The following AVL9 variants were observed in gnomAD, a reference collection of about 807,000 sequenced individuals.
AVL9 encodes the protein late secretory pathway protein AVL9 homolog.
Under a neutral mutation model 79.2 loss-of-function variants are expected in AVL9, and 49 were observed. The ratio of observed to expected loss-of-function variants is 0.62; its 90% CI spans 0.49 to 0.79. The LOEUF is 0.79. Among genes scored for constraint, AVL9 ranks in the 30% least tolerant of loss-of-function variants. The probability of loss-of-function intolerance (pLI) is 0.00; values close to 1 mark genes in which losing one functional copy is unlikely to be tolerated. For missense variants in AVL9, 682 were observed against 776.8 expected (o/e 0.88, Z 1.45); for synonymous variants, 299 against 280.6 (o/e 1.07, Z -0.65).
rs1491543761 is a variant in AVL9 at position 32,579,427 on chromosome 7, AATAT to A, written c.1689-785_1689-782del. The stretch of plus-strand genomic sequence containing the variant: ...ATTATATATAATATGTTATATATAT[AATAT>A]ATATATTATATATAATATATTATAT... On this transcript the variant is annotated intron_variant, in intron 13 of 15. Transcript: ENST00000318709. 8.3e-4 allele frequency among the ~76,000 whole-genome samples: 2 copies of A among 2,418 alleles called. 1 individual carries two copies. Among genetic ancestry groups the A allele is most frequent in the African/African-American group, 4.0e-3 (2 of 496 alleles). The allele number at this position is 2,418 out of a possible 152,430, so 1.6% of individuals were successfully genotyped here.
intron 8 of AVL9, among the ~76,000 whole-genome samples, chr7:32,555,947 AAGTG>A (rs1425346821): frequency 6.6e-6 from 1 of 152,222 alleles, no homozygotes; most frequent in Non-Finnish European, 1.5e-5. Flanking sequence ...AATAAATTAT[AAGTG>A]AGTAACTATT....
At chr7:32,504,497 C>A (rs1787321718) in intron 1 of AVL9, among the ~76,000 whole-genome samples, 1 of 151,896 alleles carries the variant, frequency 6.6e-6, no homozygotes, top group Non-Finnish European at 1.5e-5. Context: ...TCTCTTTTAC[C>A]ATATGAGAAT....
intron 1 of AVL9, chr7:32,532,634 GA>G (rs1305962782): frequency 6.6e-6 from 1 of 152,182 alleles, no homozygotes; most frequent in African/African-American, 2.4e-5. Context: ...TAAGGAATGT[GA>G]AATAATAGCT....
At position 32,573,204 on chromosome 7, in the gene AVL9, A is replaced by G. The variant is rs539399002; in HGVS notation, c.1356A>G (p.Glu452=). The change falls in exon 12 of 16, where the codon GAA becomes GAG. Residue 452 remains glutamate, a synonymous_variant. Coordinates refer to ENST00000318709, the MANE Select transcript of AVL9 (RefSeq NM_015060.3). ...TGTACCTGGATACCCTCTAGGTAGA[A>G]GAAGCTCTGATCCAGATCCATGATC... ...KHLSDAIVEV[E]EALIQIHDPE... 1.9e-4 allele frequency: 299 copies of G among 1,613,876 alleles called. 5 individuals carry two copies. The South Asian group carries it at 3.1e-3, about 17-fold the overall frequency.
At chr7:32,537,883 C>T (rs1175586840) in intron 1 of AVL9, 1 of 152,174 alleles carries the variant, frequency 6.6e-6, no homozygotes, top group Non-Finnish European at 1.5e-5. Flanking sequence ...AAGCTGCCAA[C>T]ACAGTACAGG....
intron 10 of AVL9, among the ~76,000 whole-genome samples, chr7:32,561,258 T>C (rs1790319260): frequency 6.6e-6 from 1 of 152,258 alleles, no homozygotes; most frequent in Admixed American, 6.5e-5. Flanking sequence ...CTTCTTCCAA[T>C]AGAAAGCTGT....
intron 1 of AVL9, among the ~76,000 whole-genome samples, chr7:32,497,506 TTAAC>T (rs1259181829): frequency 5.3e-5 from 8 of 152,292 alleles, no homozygotes; most frequent in Middle Eastern, 3.4e-3. Context: ...ATTCTCCACT[TTAAC>T]TATTTTACTT....
At chr7:32,545,290 A>G (rs1382345601) in intron 3 of AVL9, among the ~76,000 whole-genome samples, 1 of 143,622 alleles carries the variant, frequency 7.0e-6, no homozygotes, top group East Asian at 2.0e-4. Context: ...TTTAAGCAGC[A>G]TTTCAGAAGT....
chr7:32,527,463 C>T lies in AVL9; in HGVS notation c.94-15678C>T, dbSNP rs146991202. On this transcript the variant is annotated intron_variant, in intron 1 of 15. Transcript: ENST00000318709. Reference sequence around the variant, plus strand: ...CTCTGAGTCTATACAACCGAGACTACAGTAGCTCAGTGCATACAAGTTAAA... The same window carrying T: ...CTCTGAGTCTATACAACCGAGACTATAGTAGCTCAGTGCATACAAGTTAAA... Among the ~76,000 whole-genome samples, 531 of 152,254 alleles carry T rather than the reference C, an allele frequency of 3.5e-3. 2 individuals are homozygous for T. The highest frequency in any genetic ancestry group is 0.012 in the African/African-American group (516 of 41,550).
intron 10 of AVL9, 28 bp downstream of exon 10, chr7:32,559,492 C>A: frequency 1.3e-6 from 2 of 1,493,592 alleles, no homozygotes; most frequent in South Asian, 1.5e-5. Flanking sequence ...TTATCGAATT[C>A]CTTAAAGAAT....
chr7:32,501,576 C>T (rs1423273198), intron 1 of AVL9, among the ~76,000 whole-genome samples: 1 of 152,174 alleles, frequency 6.6e-6, no homozygotes, highest in Non-Finnish European at 1.5e-5. Context: ...GCAGCATTGA[C>T]AGAACAATGG....
chr7:32,523,508 CTTTTTTTTTTT>C (rs70992725), intron 1 of AVL9, among the ~76,000 whole-genome samples: 9 of 79,260 alleles, frequency 1.1e-4, no homozygotes, highest in Non-Finnish European at 1.5e-4. Context: ...TATAAATTTC[CTTTTTTTTTTT>C]TTTTTTTTTT....
chr7:32,579,472 T>TAA lies in AVL9; in HGVS notation c.1689-747_1689-746insAA, dbSNP rs1554348047. On this transcript the variant is annotated intron_variant, in intron 13 of 15. Coordinates refer to ENST00000318709, the MANE Select transcript of AVL9 (RefSeq NM_015060.3). The stretch of plus-strand genomic sequence containing the variant: ...TATATTATATATTATATATAATATA[T>TAA]TATATTATATATAATATATTACATA... Among the ~76,000 whole-genome samples the TAA allele has an allele frequency of 8.1e-4, 4 of 4,926 alleles. 1 individual carries two copies. The highest frequency in any genetic ancestry group is 5.4e-3 in the Admixed American group (1 of 186). The allele number at this position is 4,926 out of a possible 152,430, so 3.2% of individuals were successfully genotyped here.
At chr7:32,567,902 T>TAGAG (rs1554345591) in intron 10 of AVL9, among the ~76,000 whole-genome samples, 2 of 151,918 alleles carry the variant, frequency 1.3e-5, no homozygotes, top group Admixed American at 1.3e-4. Flanking sequence ...ATATTTTTAG[T>TAGAG]AGAGACAGGG....
intron 1 of AVL9, among the ~76,000 whole-genome samples, chr7:32,518,902 A>T (rs1788018909): frequency 6.6e-6 from 1 of 152,168 alleles, no homozygotes; most frequent in Admixed American, 6.5e-5. Flanking sequence ...AAATTGTGTT[A>T]CTCTTAGTGC....
intron 14 of AVL9, 73 bp from the exon 15 acceptor site, chr7:32,580,721 GTGTCTATA>G: frequency 1.2e-6 from 1 of 856,996 alleles, no homozygotes; most frequent in Non-Finnish European, 1.9e-6. Flanking sequence ...TATTGTGTGT[GTGTCTATA>G]TGTGTCTGTG....
At chr7:32,511,354 T>G (rs1321132250) in intron 1 of AVL9, among the ~76,000 whole-genome samples, 1 of 150,916 alleles carries the variant, frequency 6.6e-6, no homozygotes, top group Non-Finnish European at 1.5e-5. Context: ...GTCCTGGCAC[T>G]TCTGAACTGC....
In AVL9 at chr7:32,557,982, A is replaced by G. The variant is rs1451402812; in HGVS notation, c.610-577A>G. On this transcript the variant is annotated intron_variant, in intron 8 of 15. Transcript: ENST00000318709. ...GCAATTCTCCTGCCTCAGCCTCCTG[A>G]GTAGCTGGGATTACAGGTGTGTGCC... Among the ~76,000 whole-genome samples the G allele has an allele frequency of 2.0e-5, 3 of 150,954 alleles. No individual in the cohort carries two copies. In the East Asian group the frequency reaches 5.9e-4, roughly 30 times the overall value.
intron 1 of AVL9, among the ~76,000 whole-genome samples, chr7:32,529,379 AG>A (rs1316779134): frequency 1.3e-5 from 2 of 152,202 alleles, no homozygotes; most frequent in African/African-American, 4.8e-5. Flanking sequence ...TCCTGGTTTT[AG>A]GGGGAAACTG....
Sources: gnomAD v4.1 joint callset for allele counts (sites outside exome capture counted in the v4.1 genomes callset) on GRCh38, gnomAD v4.1.1 for gene constraint, MANE v1.5 for transcripts, NCBI Gene and HGNC (gene_info 2026-07-23, HGNC 2026-07-21) for gene names.